ANKRD45: variants seen among roughly 807,000 people sequenced by gnomAD.
The protein encoded by ANKRD45 is ankyrin repeat domain 45.
ANKRD45 carries 21 observed loss-of-function variants against 28.1 expected under a neutral mutation model. The ratio of observed to expected loss-of-function variants is 0.75; its 90% CI spans 0.53 to 1.08. The LOEUF (loss-of-function observed/expected upper bound fraction) is 1.08, where lower values mean the gene tolerates loss of function less well. Ranked by LOEUF, ANKRD45 falls within the 50% of genes least tolerant of loss-of-function variation. The probability of loss-of-function intolerance (pLI) is 0.00; values close to 1 mark genes in which losing one functional copy is unlikely to be tolerated. For missense variants in ANKRD45, 261 were observed against 308.7 expected (o/e 0.85, Z 1.16); for synonymous variants, 86 against 103.9 (o/e 0.83, Z 1.05).
At chr1:173,614,971 C>T (rs979308893) in intron 5 of ANKRD45, among the ~76,000 whole-genome samples, 9 of 152,020 alleles carry the variant, frequency 5.9e-5, no homozygotes, top group Non-Finnish European at 8.8e-5. Flanking sequence ...TGCACGCCAC[C>T]GCATCTGGCT....
upstream of ANKRD45, among the ~76,000 whole-genome samples, chr1:173,674,833 A>G (rs1185877266): frequency 6.6e-6 from 1 of 152,198 alleles, no homozygotes; most frequent in East Asian, 1.9e-4. Context: ...TAGGGACCCA[A>G]GACATTTTCT....
At chr1:173,627,859 G>A (rs1668007725) in intron 3 of ANKRD45, among the ~76,000 whole-genome samples, 1 of 151,786 alleles carries the variant, frequency 6.6e-6, no homozygotes, top group African/African-American at 2.4e-5. Context: ...AGCTCTGGGA[G>A]AGACTCCTTT....
chr1:173,617,845 G>C (rs12058218), intron 5 of ANKRD45, among the ~76,000 whole-genome samples: 1 of 152,062 alleles, frequency 6.6e-6, no homozygotes, highest in East Asian at 1.9e-4. Flanking sequence ...CTCCCAACAC[G>C]GGTCTTCAGA....
the ANKRD45 span, among the ~76,000 whole-genome samples, chr1:173,714,237 T>TA: frequency 1.8e-4 from 27 of 152,310 alleles, no homozygotes; most frequent in African/African-American, 5.5e-4. Flanking sequence ...TAATATACGG[T>TA]AAAAATCAGG....
intron 3 of ANKRD45, among the ~76,000 whole-genome samples, chr1:173,645,004 A>C (rs1668862502): frequency 6.6e-6 from 1 of 152,082 alleles, no homozygotes. Flanking sequence ...AAAAAAAAAA[A>C]AAAAAATTAT....
intron 5 of ANKRD45, among the ~76,000 whole-genome samples, chr1:173,613,137 G>C (rs570768687): frequency 6.6e-6 from 1 of 151,970 alleles, no homozygotes; most frequent in South Asian, 2.1e-4. Flanking sequence ...ATCCTGTCTA[G>C]GAAGTGAGGA....
intron 1 of ANKRD45, among the ~76,000 whole-genome samples, chr1:173,664,872 A>G (rs1197445390): frequency 1.3e-5 from 2 of 152,164 alleles, no homozygotes; most frequent in African/African-American, 4.8e-5. Context: ...CATAGCCAAG[A>G]GCAATGGGTT....
chr1:173,617,074 C>T (rs543509904), intron 5 of ANKRD45, among the ~76,000 whole-genome samples: 15 of 152,238 alleles, frequency 9.9e-5, no homozygotes, highest in Non-Finnish European at 1.6e-4. Flanking sequence ...ATCACGAGAT[C>T]CCCTCATGAG....
upstream of ANKRD45, among the ~76,000 whole-genome samples, chr1:173,671,715 C>CA (rs1364846880): frequency 6.8e-6 from 1 of 147,880 alleles, no homozygotes; most frequent in African/African-American, 2.5e-5. Flanking sequence ...CTAAAAAATA[C>CA]CAAAAAAAAA....
the ANKRD45 span, among the ~76,000 whole-genome samples, chr1:173,676,637 C>T: frequency 6.6e-6 from 1 of 151,534 alleles, no homozygotes; most frequent in African/African-American, 2.4e-5. Context: ...TTAAAGAGGA[C>T]CAAAATAAGA....
At chr1:173,616,075 C>T (rs1667456148) in intron 5 of ANKRD45, among the ~76,000 whole-genome samples, 2 of 151,734 alleles carry the variant, frequency 1.3e-5, no homozygotes, top group South Asian at 4.2e-4. Flanking sequence ...CGCACTCCAG[C>T]CTGGGCAACA....
chr1:173,681,115 G>C, the ANKRD45 span, among the ~76,000 whole-genome samples: 1 of 151,962 alleles, frequency 6.6e-6, no homozygotes, highest in African/African-American at 2.4e-5. Flanking sequence ...GTGTACCCCA[G>C]AAGTTAAAGT....
chr1:173,611,230 G>A (rs543613092), intron 5 of ANKRD45, among the ~76,000 whole-genome samples: 60 of 152,162 alleles, frequency 3.9e-4, no homozygotes, highest in African/African-American at 1.3e-3. Context: ...ACTCCACACT[G>A]GCTATCCATC....
intron 1 of ANKRD45, among the ~76,000 whole-genome samples, chr1:173,661,575 G>A (rs972516527): frequency 6.6e-6 from 1 of 152,204 alleles, no homozygotes; most frequent in Non-Finnish European, 1.5e-5. Flanking sequence ...AGGTTTCAAG[G>A]AGATTGATCC....
At chr1:173,651,321 T>C (rs961841893) in intron 2 of ANKRD45, among the ~76,000 whole-genome samples, 6 of 152,214 alleles carry the variant, frequency 3.9e-5, no homozygotes, top group African/African-American at 1.4e-4. Flanking sequence ...GGCTAGCCAG[T>C]TTTCCCAGCA....
chr1:173,631,881 T>G (rs1668210682), intron 3 of ANKRD45, among the ~76,000 whole-genome samples: 1 of 151,408 alleles, frequency 6.6e-6, no homozygotes, highest in South Asian at 2.1e-4. Flanking sequence ...ACACCTACAT[T>G]AAAAAAATAC....
At chr1:173,632,041 A>C (rs1235140516) in intron 3 of ANKRD45, among the ~76,000 whole-genome samples, 2 of 152,062 alleles carry the variant, frequency 1.3e-5, no homozygotes, top group African/African-American at 4.8e-5. Context: ...CAAAAGATCA[A>C]TGAAATGAAA....
In ANKRD45 at chr1:173,638,878, C is replaced by T. The variant is rs145043005; in HGVS notation, c.496+7968G>A. ...AACACTCGTGTCTAGATTTGACTGA[C>T]TACCAAACAAAAGTCAGGCCAGATC... is the stretch of plus-strand genomic sequence containing the variant. On this transcript the variant is annotated intron_variant, in intron 3 of 5. Coordinates refer to ENST00000333279, the MANE Select transcript of ANKRD45 (RefSeq NM_198493.3). 9.0e-3 allele frequency among the ~76,000 whole-genome samples: 1,378 copies of T among 152,272 alleles called. 24 individuals are homozygous for T. The highest frequency in any genetic ancestry group is 0.032 in the African/African-American group (1,335 of 41,538).
chr1:173,677,493 AT>A, the ANKRD45 span, among the ~76,000 whole-genome samples: 1 of 152,146 alleles, frequency 6.6e-6, no homozygotes, highest in South Asian at 2.1e-4. Context: ...ATGTCTTAAA[AT>A]GGGCCCTTAC....
Sources: allele counts gnomAD v4.1 joint callset (sites outside exome capture counted in the v4.1 genomes callset), GRCh38; gene constraint gnomAD v4.1.1; transcripts MANE v1.5; gene names NCBI Gene and HGNC (gene_info 2026-07-23, HGNC 2026-07-21).